Variants in SYNPO2 observed in about 807,000 individuals in gnomAD.
The protein encoded by SYNPO2 is synaptopodin-2.
In SYNPO2, 56 loss-of-function variants were observed where a neutral mutation model predicts 85.0. That is an observed-to-expected ratio of 0.66 (90% CI 0.53 to 0.82). The LOEUF (loss-of-function observed/expected upper bound fraction) is 0.82, where lower values mean the gene tolerates loss of function less well. Ranked by LOEUF, SYNPO2 falls within the 40% of genes least tolerant of loss-of-function variation. SYNPO2 has a pLI of 0.00. For synonymous variants in SYNPO2, 602 were observed against 591.1 expected (o/e 1.02, Z -0.27); for missense variants, 1,575 against 1,534.2 (o/e 1.03, Z -0.44).
intron 1 of SYNPO2, among the ~76,000 whole-genome samples, chr4:118,966,284 A>G (rs1433070367): frequency 1.3e-5 from 2 of 152,036 alleles, no homozygotes; most frequent in African/African-American, 4.8e-5. Flanking sequence ...TGGCTCCTAT[A>G]CCTCAATGCT....
intron 3 of SYNPO2, 126 bp downstream of exon 3, chr4:119,027,564 T>A: frequency 2.1e-6 from 2 of 930,642 alleles, no homozygotes; most frequent in Non-Finnish European, 3.0e-6. Flanking sequence ...AATATTTAAT[T>A]AATGCACAAA....
chr4:118,917,306 G>A (rs890284198), intron 1 of SYNPO2, among the ~76,000 whole-genome samples: 2 of 152,024 alleles, frequency 1.3e-5, no homozygotes, highest in African/African-American at 4.8e-5. Flanking sequence ...CAGGAGAATC[G>A]CTTGAACCCA....
At chr4:118,999,995 A>G (rs2149172599) in intron 1 of SYNPO2, among the ~76,000 whole-genome samples, 1 of 152,322 alleles carries the variant, frequency 6.6e-6, no homozygotes, top group East Asian at 1.9e-4. Context: ...TTAAACAGAA[A>G]GAAGCTCCTG....
intron 1 of SYNPO2, among the ~76,000 whole-genome samples, chr4:118,986,745 A>G (rs1015204877): frequency 2.0e-5 from 3 of 152,186 alleles, no homozygotes; most frequent in African/African-American, 7.2e-5. Context: ...TTTTACTTCC[A>G]CATTGTTCCA....
intron 1 of SYNPO2, among the ~76,000 whole-genome samples, chr4:118,954,500 A>G (rs1734803161): frequency 6.6e-6 from 1 of 152,182 alleles, no homozygotes; most frequent in Non-Finnish European, 1.5e-5. Flanking sequence ...TGGGCATTTC[A>G]GTTTTAGGCA....
At chr4:118,916,733 T>C (rs1169370960) in intron 1 of SYNPO2, among the ~76,000 whole-genome samples, 24 of 143,780 alleles carry the variant, frequency 1.7e-4, no homozygotes, top group African/African-American at 2.6e-4. Context: ...TTCTTTCTTT[T>C]TTTTTTTTTT....
chr4:118,949,411 G>A (rs1294655542), intron 1 of SYNPO2, among the ~76,000 whole-genome samples: 1 of 152,112 alleles, frequency 6.6e-6, no homozygotes, highest in Admixed American at 6.5e-5. Context: ...CTAGTTGAAT[G>A]CTCTTGCAGG....
At chr4:119,037,319 G>A in intron 4 of SYNPO2, 4 of 1,283,640 alleles carry the variant, frequency 3.1e-6, no homozygotes, top group Non-Finnish European at 4.0e-6. Context: ...TAAATCAAAA[G>A]ATTGTACTTG....
At chr4:118,859,241 T>C (rs1731565601) in intron 1 of SYNPO2, among the ~76,000 whole-genome samples, 1 of 152,208 alleles carries the variant, frequency 6.6e-6, no homozygotes, top group Non-Finnish European at 1.5e-5. Context: ...GCAAGTTACA[T>C]TATTTTTAAA....
chr4:118,997,257 A>AAAAAAAAAAAAAAT (rs1736642728), intron 1 of SYNPO2, among the ~76,000 whole-genome samples: 1 of 149,952 alleles, frequency 6.7e-6, no homozygotes, highest in Non-Finnish European at 1.5e-5. Context: ...AAAAAAAAAA[A>AAAAAAAAAAAAAAT]TTAAAAGAAA....
Position 119,007,267 on chromosome 4 carries a change from TATATATATGTATATAC to T in SYNPO2, c.106-16154_106-16139del, listed in dbSNP as rs1261270704. On this transcript the variant is annotated intron_variant, in intron 1 of 4. Transcript: ENST00000307142. ...ATATGTATATACATATATATATATATATATATATGTATATACATATATATATATATGTATATACACG... is the reference window on the plus strand; with the variant it reads ...ATATGTATATACATATATATATATATATATATATATATATGTATATACACG... Among the ~76,000 whole-genome samples, 230 of 73,980 alleles carry T rather than the reference TATATATATGTATATAC, an allele frequency of 3.1e-3. 6 individuals are homozygous for T. Among genetic ancestry groups the T allele is most frequent in the African/African-American group, 0.011 (196 of 18,632 alleles). The allele number at this position is 73,980 out of a possible 152,430, so 48.5% of individuals were successfully genotyped here. A position where few individuals can be genotyped will look rare whatever the true frequency, so the allele number is the denominator to read the frequency against.
intron 1 of SYNPO2, among the ~76,000 whole-genome samples, chr4:118,872,073 G>A (rs905022692): frequency 8.5e-5 from 13 of 152,268 alleles, no homozygotes; most frequent in African/African-American, 3.1e-4. Context: ...CTGATATAAA[G>A]CTTCACTCAG....
chr4:119,046,980 G>C (rs1006484116), intron 4 of SYNPO2, among the ~76,000 whole-genome samples: 1 of 152,172 alleles, frequency 6.6e-6, no homozygotes, highest in Non-Finnish European at 1.5e-5. Context: ...ACAGAACCAA[G>C]ATGATATGCT....
intron 1 of SYNPO2, among the ~76,000 whole-genome samples, chr4:118,991,405 C>A (rs1736411699): frequency 6.6e-6 from 1 of 152,196 alleles, no homozygotes; most frequent in African/African-American, 2.4e-5. Context: ...GCCTCAGCCT[C>A]CCAAAGTGTT....
intron 1 of SYNPO2, among the ~76,000 whole-genome samples, chr4:118,862,899 A>T (rs775705591): frequency 4.6e-4 from 70 of 151,532 alleles, no homozygotes; most frequent in African/African-American, 1.6e-3. Context: ...CAACCTCCGC[A>T]TCCTGGGTTC....
chr4:118,879,403 G>C (rs762329398), intron 1 of SYNPO2, among the ~76,000 whole-genome samples: 7 of 152,208 alleles, frequency 4.6e-5, no homozygotes, highest in Non-Finnish European at 1.0e-4. Flanking sequence ...ATTTGGAAGT[G>C]GGGCTGTGCG....
chr4:119,031,230 G>A lies in SYNPO2; in HGVS notation c.2455G>A (p.Ala819Thr). The A allele has an allele frequency of 6.2e-7, 1 of 1,614,148 alleles. No homozygotes were observed. Among genetic ancestry groups the A allele is most frequent in the South Asian group, 1.1e-5 (1 of 91,080 alleles). The change falls in exon 4 of 5, where the codon GCA becomes ACA. Residue 819 changes from alanine to threonine, a missense_variant. Coordinates refer to ENST00000307142, the MANE Select transcript of SYNPO2 (RefSeq NM_133477.3). ...AQPSYPPARP[A>T]STLNVAGPFK... ...GCCTTCTTACCCTCCTGCCCGGCCT[G>A]CAAGTACTTTGAACGTGGCTGGTCC...
chr4:118,935,983 A>G (rs1426949821), intron 1 of SYNPO2, among the ~76,000 whole-genome samples: 1 of 152,098 alleles, frequency 6.6e-6, no homozygotes, highest in Non-Finnish European at 1.5e-5. Flanking sequence ...AGGGGAGGAA[A>G]CAGAAGGGGA....
chr4:118,945,549 G>A (rs572516792), intron 1 of SYNPO2, among the ~76,000 whole-genome samples: 8 of 152,234 alleles, frequency 5.3e-5, no homozygotes, highest in Non-Finnish European at 1.2e-4. Flanking sequence ...AGGATAATTG[G>A]TTTGCAGATT....
Sources: gnomAD v4.1 joint callset for allele counts (sites outside exome capture counted in the v4.1 genomes callset) on GRCh38, gnomAD v4.1.1 for gene constraint, MANE v1.5 for transcripts, NCBI Gene and HGNC (gene_info 2026-07-23, HGNC 2026-07-21) for gene names.